Variants in CBLB observed in about 807,000 individuals in gnomAD.
The protein encoded by CBLB is E3 ubiquitin-protein ligase CBL-B.
In CBLB, 31 loss-of-function variants were observed where a neutral mutation model predicts 104.9. That is an observed-to-expected ratio of 0.30 (90% CI 0.22 to 0.40). The LOEUF is 0.40. Ranked by LOEUF, CBLB falls within the 10% of genes least tolerant of loss-of-function variation. The pLI is 1.00. For missense variants in CBLB, 1,062 were observed against 1,214.6 expected (o/e 0.87, Z 1.87); for synonymous variants, 440 against 422.6 (o/e 1.04, Z -0.51).
intron 17 of CBLB, 115 bp downstream of exon 17, chr3:105,678,316 T>C (rs1381255280): frequency 2.1e-5 from 22 of 1,041,948 alleles, no homozygotes; most frequent in Non-Finnish European, 3.0e-5. Context: ...CCCAGGGATT[T>C]TTCTGTTCTG....
At chr3:105,840,579 C>T (rs1348057647) in intron 3 of CBLB, among the ~76,000 whole-genome samples, 1 of 152,182 alleles carries the variant, frequency 6.6e-6, no homozygotes, top group Non-Finnish European at 1.5e-5. Flanking sequence ...TAGGCTCAGA[C>T]ATGCCAACTG....
chr3:105,683,781 TA>T (rs1323885535), intron 14 of CBLB, among the ~76,000 whole-genome samples: 1 of 152,236 alleles, frequency 6.6e-6, no homozygotes, highest in Non-Finnish European at 1.5e-5. Context: ...GATATGATTT[TA>T]TCAACAGATG....
intron 3 of CBLB, among the ~76,000 whole-genome samples, chr3:105,786,068 G>GA (rs1553794773): frequency 6.7e-6 from 1 of 148,692 alleles, no homozygotes; most frequent in East Asian, 2.0e-4. Context: ...GATCGGGGGG[G>GA]GGAAAGTGGG....
chr3:105,734,790 G>T lies in CBLB; in HGVS notation c.1072-650C>A, dbSNP rs73854396. Among the ~76,000 whole-genome samples the T allele has an allele frequency of 6.4e-3, 977 of 152,200 alleles. 12 individuals are homozygous for T. The highest frequency in any genetic ancestry group is 0.023 in the African/African-American group (936 of 41,522). On this transcript the variant is annotated intron_variant, in intron 8 of 18. Coordinates refer to ENST00000394030, the MANE Select transcript of CBLB (RefSeq NM_170662.5). ...AAGCCTCTGACTAAAAAGTGCATAC[G>T]CTTTCCCTAACACTGTCAAGAAAAC...
At chr3:105,692,863 ATC>A (rs1576382055) in intron 13 of CBLB, among the ~76,000 whole-genome samples, 1 of 149,898 alleles carries the variant, frequency 6.7e-6, no homozygotes, top group East Asian at 1.9e-4. Flanking sequence ...TTGGGAAGAT[ATC>A]AATGAGAGAT....
chr3:105,835,872 T>G (rs2153086055), intron 3 of CBLB, among the ~76,000 whole-genome samples: 1 of 152,290 alleles, frequency 6.6e-6, no homozygotes, highest in Admixed American at 6.5e-5. Context: ...TAATCCCACA[T>G]AAATGACAGT....
intron 12 of CBLB, among the ~76,000 whole-genome samples, 165 bp from the exon 13 acceptor site, chr3:105,693,753 A>G (rs1429917450): frequency 1.3e-5 from 2 of 152,072 alleles, no homozygotes; most frequent in Non-Finnish European, 2.9e-5. Context: ...CTGATGATTC[A>G]CCACTGCCCA....
intron 3 of CBLB, among the ~76,000 whole-genome samples, chr3:105,845,151 A>G (rs2090065515): frequency 6.6e-6 from 1 of 152,126 alleles, no homozygotes; most frequent in Non-Finnish European, 1.5e-5. Flanking sequence ...AGTTCACTTG[A>G]GTCTTGTGAG....
intron 1 of CBLB, chr3:105,868,185 G>T: frequency 8.1e-7 from 1 of 1,228,708 alleles, no homozygotes; most frequent in African/African-American, 1.6e-5. Flanking sequence ...TTAAATCAAC[G>T]CGGTGAGTCG....
At chr3:105,691,757 C>T (rs2067724259) in intron 13 of CBLB, among the ~76,000 whole-genome samples, 1 of 152,160 alleles carries the variant, frequency 6.6e-6, no homozygotes, top group African/African-American at 2.4e-5. Flanking sequence ...TCTCGCAGTT[C>T]CAAGAGAAGT....
chr3:105,660,260 C>G lies in CBLB; in HGVS notation c.2690-1031G>C, dbSNP rs376365567. The stretch of plus-strand genomic sequence containing the variant: ...AGTGCAATGGCGTAGTCTCAGCTCA[C>G]TGCAACCTCCACCTCCCGAGTTCAA... On this transcript the variant is annotated intron_variant, in intron 18 of 18. Coordinates refer to ENST00000394030, the MANE Select transcript of CBLB (RefSeq NM_170662.5). 3.3e-4 allele frequency among the ~76,000 whole-genome samples: 50 copies of G among 152,298 alleles called. 1 individual carries two copies. In the South Asian group the frequency reaches 1.0e-2, roughly 30 times the overall value.
At chr3:105,853,805 T>C (rs2091255832) in intron 2 of CBLB, 141 bp from the exon 3 acceptor site, 2 of 626,588 alleles carry the variant, frequency 3.2e-6, no homozygotes, top group African/African-American at 1.8e-5. Context: ...ATTTATTAAC[T>C]GATAGTCACG....
At chr3:105,696,645 A>G (rs984708366) in intron 12 of CBLB, among the ~76,000 whole-genome samples, 1 of 151,878 alleles carries the variant, frequency 6.6e-6, no homozygotes, top group Non-Finnish European at 1.5e-5. Context: ...GAAATCTATC[A>G]CAATTGCATT....
At chr3:105,781,073 AAAG>A (rs757458235) in intron 3 of CBLB, among the ~76,000 whole-genome samples, 1 of 152,194 alleles carries the variant, frequency 6.6e-6, no homozygotes, top group Non-Finnish European at 1.5e-5. Context: ...CTTGAAGAAG[AAAG>A]AAGGAGGGAG....
In CBLB at chr3:105,755,078, G is replaced by A. The variant is rs146560210; in HGVS notation, c.567-3460C>T. 4.9e-4 allele frequency among the ~76,000 whole-genome samples: 73 copies of A among 148,752 alleles called. No homozygotes were observed. The East Asian group carries it at 0.015, about 30-fold the overall frequency. On this transcript the variant is annotated intron_variant, in intron 4 of 18. Transcript: ENST00000394030. ...TAGGGTACATGTATGTGCACATTGT[G>A]CAGGTTAGTTACATATGTATACATG...
At chr3:105,863,460 C>G (rs1440240166) in intron 2 of CBLB, among the ~76,000 whole-genome samples, 5 of 152,150 alleles carry the variant, frequency 3.3e-5, no homozygotes, top group Non-Finnish European at 7.4e-5. Flanking sequence ...TTTTAAGGCT[C>G]TAGGAATGTA....
chr3:105,835,775 T>C (rs2088386963), intron 3 of CBLB, among the ~76,000 whole-genome samples: 1 of 152,244 alleles, frequency 6.6e-6, no homozygotes, highest in Admixed American at 6.5e-5. Flanking sequence ...TGCTCTCACC[T>C]TGTTTACTTG....
intron 4 of CBLB, among the ~76,000 whole-genome samples, chr3:105,766,309 A>G (rs985929379): frequency 6.6e-6 from 1 of 152,218 alleles, no homozygotes; most frequent in African/African-American, 2.4e-5. Context: ...CTGATATTAC[A>G]ATAAAGGATT....
intron 12 of CBLB, among the ~76,000 whole-genome samples, chr3:105,696,558 G>A (rs565027257): frequency 5.5e-4 from 83 of 151,918 alleles, no homozygotes; most frequent in Admixed American, 5.3e-3. Flanking sequence ...ATCAACTGAA[G>A]CAGTTCACAC....
Sources: gnomAD v4.1 joint callset for allele counts (sites outside exome capture counted in the v4.1 genomes callset) on GRCh38, gnomAD v4.1.1 for gene constraint, MANE v1.5 for transcripts, NCBI Gene and HGNC (gene_info 2026-07-23, HGNC 2026-07-21) for gene names.